THRB: variants seen among roughly 807,000 people sequenced by gnomAD.
The protein encoded by THRB is nuclear receptor subfamily 1 group A member 2.
THRB carries 12 observed loss-of-function variants against 47.8 expected under a neutral mutation model. The ratio of observed to expected loss-of-function variants is 0.25; its 90% confidence interval spans 0.16 to 0.41. The LOEUF is 0.41. Ranked by LOEUF, THRB falls within the 10% of genes least tolerant of loss-of-function variation. The pLI is 1.00. For missense variants in THRB, 348 were observed against 589.2 expected (o/e 0.59, Z 4.24); for synonymous variants, 218 against 212.2 (o/e 1.03, Z -0.24).
chr3:24,285,124 C>T (rs1206887042), intron 3 of THRB, among the ~76,000 whole-genome samples: 2 of 150,344 alleles, frequency 1.3e-5, no homozygotes, highest in Non-Finnish European at 3.0e-5. Flanking sequence ...TATAAAGACA[C>T]ATGCACACAT....
At chr3:24,247,478 A>G (rs1334089429) in intron 3 of THRB, among the ~76,000 whole-genome samples, 1 of 152,120 alleles carries the variant, frequency 6.6e-6, no homozygotes, top group Non-Finnish European at 1.5e-5. Flanking sequence ...AAGAGATGTG[A>G]CTCCCTTGCC....
intron 1 of THRB, among the ~76,000 whole-genome samples, chr3:24,422,129 GTAAA>G (rs1185337449): frequency 6.6e-6 from 1 of 151,976 alleles, no homozygotes; most frequent in Non-Finnish European, 1.5e-5. Flanking sequence ...GGACAAAGTA[GTAAA>G]TAACTCATTT....
At chr3:24,162,660 A>G (rs991036350) in intron 5 of THRB, among the ~76,000 whole-genome samples, 1 of 149,660 alleles carries the variant, frequency 6.7e-6, no homozygotes, top group Non-Finnish European at 1.5e-5. Flanking sequence ...CCAGAACTTG[A>G]TAACTTATTC....
At chr3:24,252,140 A>G (rs1056649668) in intron 3 of THRB, among the ~76,000 whole-genome samples, 3 of 152,160 alleles carry the variant, frequency 2.0e-5, no homozygotes, top group Non-Finnish European at 4.4e-5. Context: ...ACAGGGAAGT[A>G]AGACTATATG....
intron 1 of THRB, among the ~76,000 whole-genome samples, chr3:24,362,809 C>T (rs2064168917): frequency 6.6e-6 from 1 of 152,124 alleles, no homozygotes; most frequent in African/African-American, 2.4e-5. Flanking sequence ...TGCCCAAGAT[C>T]ACAAATGAGA....
chr3:24,233,344 G>A (rs1435788261), intron 3 of THRB, among the ~76,000 whole-genome samples: 1 of 151,932 alleles, frequency 6.6e-6, no homozygotes, highest in Non-Finnish European at 1.5e-5. Context: ...GCCTGTAGCT[G>A]GGCACAGTGG....
chr3:24,306,068 T>C (rs2057315697), intron 2 of THRB, among the ~76,000 whole-genome samples: 1 of 152,236 alleles, frequency 6.6e-6, no homozygotes, highest in African/African-American at 2.4e-5. Flanking sequence ...GTTGTTGTTG[T>C]TGTTGCTTTA....
chr3:24,403,955 A>G (rs541215382), intron 1 of THRB, among the ~76,000 whole-genome samples: 1 of 152,130 alleles, frequency 6.6e-6, no homozygotes, highest in South Asian at 2.1e-4. Context: ...AAGTGAATAA[A>G]GAGTCTGTCA....
intron 1 of THRB, among the ~76,000 whole-genome samples, chr3:24,445,013 T>C (rs2071928571): frequency 6.6e-6 from 1 of 152,112 alleles, no homozygotes; most frequent in African/African-American, 2.4e-5. Context: ...AAACAGGCTA[T>C]AATACAAATT....
intron 3 of THRB, among the ~76,000 whole-genome samples, chr3:24,229,509 G>C (rs888973069): frequency 6.6e-6 from 1 of 152,174 alleles, no homozygotes. Flanking sequence ...CTAGAGAACT[G>C]AATCCATATT....
At chr3:24,343,825 T>C (rs938617152) in intron 1 of THRB, among the ~76,000 whole-genome samples, 3 of 151,252 alleles carry the variant, frequency 2.0e-5, no homozygotes, top group Admixed American at 1.3e-4. Flanking sequence ...TTTATTGTAT[T>C]GACTGTTCTT....
At chr3:24,385,993 T>G (rs1049998111) in intron 1 of THRB, among the ~76,000 whole-genome samples, 2 of 152,140 alleles carry the variant, frequency 1.3e-5, no homozygotes, top group Non-Finnish European at 2.9e-5. Flanking sequence ...TTACTTCCTT[T>G]ATCCTCTATT....
At chr3:24,258,502 G>A (rs1458726197) in intron 3 of THRB, among the ~76,000 whole-genome samples, 2 of 152,136 alleles carry the variant, frequency 1.3e-5, no homozygotes, top group Non-Finnish European at 2.9e-5. Context: ...AAGGACTGCT[G>A]CTCTGTACTT....
intron 2 of THRB, among the ~76,000 whole-genome samples, chr3:24,303,217 C>A (rs1308573399): frequency 6.6e-6 from 1 of 152,180 alleles, no homozygotes; most frequent in Non-Finnish European, 1.5e-5. Context: ...AGACTCCTCC[C>A]TGTGTCTAGG....
intron 3 of THRB, among the ~76,000 whole-genome samples, chr3:24,283,333 C>T (rs927361408): frequency 1.1e-4 from 16 of 152,020 alleles, no homozygotes; most frequent in South Asian, 4.1e-4. Flanking sequence ...AGACAAAAAC[C>T]ACGTGATTAT....
intron 3 of THRB, among the ~76,000 whole-genome samples, chr3:24,293,339 A>G (rs1044537711): frequency 1.3e-5 from 2 of 152,244 alleles, no homozygotes; most frequent in African/African-American, 4.8e-5. Flanking sequence ...CAAGAGAAAG[A>G]AATGAAAATC....
intron 1 of THRB, among the ~76,000 whole-genome samples, chr3:24,442,317 C>T (rs981859677): frequency 2.0e-5 from 3 of 152,166 alleles, no homozygotes; most frequent in African/African-American, 7.2e-5. Context: ...GAGGAAACCA[C>T]GGCACAGAAA....
At chr3:24,357,390 C>CAAACA (rs2063763959) in intron 1 of THRB, among the ~76,000 whole-genome samples, 1 of 57,636 alleles carries the variant, frequency 1.7e-5, no homozygotes, top group African/African-American at 5.8e-5. Context: ...AACAAACAAA[C>CAAACA]AAAAAAACAC....
At chr3:24,466,824 T>C (rs2074194876) in intron 1 of THRB, among the ~76,000 whole-genome samples, 1 of 152,188 alleles carries the variant, frequency 6.6e-6, no homozygotes, top group Non-Finnish European at 1.5e-5. Flanking sequence ...AGGTGAAGCG[T>C]CTTGTCTTGA....
Sources: allele counts gnomAD v4.1 joint callset (sites outside exome capture counted in the v4.1 genomes callset), GRCh38; gene constraint gnomAD v4.1.1; transcripts MANE v1.5; gene names NCBI Gene and HGNC (gene_info 2026-07-23, HGNC 2026-07-21).